ARHGAP26: variants seen among roughly 807,000 people sequenced by gnomAD.
ARHGAP26 encodes the protein Rho GTPase activating protein 26.
A neutral mutation model predicts 104.8 loss-of-function variants in ARHGAP26; 38 were observed. The ratio of observed to expected loss-of-function variants is 0.36; its 90% CI spans 0.28 to 0.48. The LOEUF (loss-of-function observed/expected upper bound fraction) is 0.48. Ranked by LOEUF, ARHGAP26 falls within the 20% of genes least tolerant of loss-of-function variation. The probability of loss-of-function intolerance (pLI) is 0.99; values close to 1 mark genes in which losing one functional copy is unlikely to be tolerated. For synonymous variants in ARHGAP26, 341 were observed against 340.0 expected (o/e 1.00, Z -0.03); for missense variants, 704 against 947.9 (o/e 0.74, Z 3.38).
intron 11 of ARHGAP26, among the ~76,000 whole-genome samples, chr5:142,937,177 TAAATA>T (rs1357168335): frequency 6.6e-6 from 1 of 151,908 alleles, no homozygotes; most frequent in Non-Finnish European, 1.5e-5. Flanking sequence ...ATTAAATAAA[TAAATA>T]AATAAATAAG....
intron 17 of ARHGAP26, among the ~76,000 whole-genome samples, chr5:143,092,336 T>C (rs1388247275): frequency 6.6e-6 from 1 of 152,002 alleles, no homozygotes; most frequent in Non-Finnish European, 1.5e-5. Flanking sequence ...GCTAATTTTA[T>C]TGTATTTTTA....
chr5:142,873,939 A>T (rs1045065562), intron 2 of ARHGAP26, among the ~76,000 whole-genome samples: 1 of 152,218 alleles, frequency 6.6e-6, no homozygotes, highest in Non-Finnish European at 1.5e-5. Context: ...ATTACCATAT[A>T]AATTCAATTT....
At chr5:142,854,329 T>C (rs1301273757) in intron 1 of ARHGAP26, among the ~76,000 whole-genome samples, 1 of 152,244 alleles carries the variant, frequency 6.6e-6, no homozygotes, top group Non-Finnish European at 1.5e-5. Flanking sequence ...CATATTCTTT[T>C]CTAGCTTGCA....
chr5:143,096,062 T>A (rs1792263452), intron 17 of ARHGAP26, among the ~76,000 whole-genome samples: 1 of 152,206 alleles, frequency 6.6e-6, no homozygotes, highest in Non-Finnish European at 1.5e-5. Context: ...AAAAATAAAA[T>A]CATGTTAGTG....
chr5:142,859,508 T>C (rs993424491), intron 1 of ARHGAP26: 4 of 152,250 alleles, frequency 2.6e-5, no homozygotes, highest in African/African-American at 9.6e-5. Context: ...AAATTATTAG[T>C]ATGAACTCTT....
chr5:143,038,449 T>C (rs1782966825), intron 13 of ARHGAP26, among the ~76,000 whole-genome samples: 2 of 152,192 alleles, frequency 1.3e-5, no homozygotes, highest in African/African-American at 4.8e-5. Flanking sequence ...ATGTAAGATA[T>C]ATCCAGAGAA....
intron 20 of ARHGAP26, among the ~76,000 whole-genome samples, chr5:143,195,011 C>T (rs1055224020): frequency 6.6e-6 from 1 of 152,166 alleles, no homozygotes; most frequent in Non-Finnish European, 1.5e-5. Context: ...AAAATCAGAT[C>T]AGAGACAATT....
chr5:142,946,789 A>G (rs192400831), intron 11 of ARHGAP26: 17 of 152,308 alleles, frequency 1.1e-4, no homozygotes, highest in African/African-American at 3.1e-4. Flanking sequence ...AGAGCTTATG[A>G]TGCCAGTTTT....
At chr5:143,065,491 G>C (rs1406458802) in intron 17 of ARHGAP26, among the ~76,000 whole-genome samples, 1 of 152,224 alleles carries the variant, frequency 6.6e-6, no homozygotes, top group African/African-American at 2.4e-5. Flanking sequence ...GTGGTGAAGA[G>C]AGAACATTCT....
At chr5:142,876,128 T>C (rs1756050762) in intron 3 of ARHGAP26, among the ~76,000 whole-genome samples, 1 of 152,178 alleles carries the variant, frequency 6.6e-6, no homozygotes, top group African/African-American at 2.4e-5. Context: ...ATCCCTAAGA[T>C]ATGAGGAATG....
At chr5:142,896,461 T>G (rs1426303681) in intron 6 of ARHGAP26, among the ~76,000 whole-genome samples, 1 of 152,212 alleles carries the variant, frequency 6.6e-6, no homozygotes, top group Non-Finnish European at 1.5e-5. Flanking sequence ...CAAAACCTCA[T>G]ACAACAATAG....
chr5:143,168,951 T>C (rs917880929), intron 20 of ARHGAP26: 15 of 152,246 alleles, frequency 9.9e-5, no homozygotes, highest in African/African-American at 3.6e-4. Context: ...ATGGGTAGCA[T>C]CCCTTCTCTT....
chr5:142,849,489 T>C (rs943259957), intron 1 of ARHGAP26, among the ~76,000 whole-genome samples: 3 of 152,248 alleles, frequency 2.0e-5, no homozygotes, highest in Admixed American at 1.3e-4. Context: ...TCCTCCTCCA[T>C]TGACAGTGTG....
rs139034376 is a variant in ARHGAP26, at chr5:143,221,487, T to C, written c.2192-871T>C. 4.5e-3 allele frequency among the ~76,000 whole-genome samples: 659 copies of C among 144,874 alleles called. 5 individuals are homozygous for C. The highest frequency in any genetic ancestry group is 0.017 in the African/African-American group (639 of 38,722). The stretch of plus-strand genomic sequence containing the variant: ...GGAAATTAGAAGCAGGGGGTAAGGA[T>C]TTGAAGGAAAGTAAGATGATGACAA... On this transcript the variant is annotated intron_variant, in intron 22 of 22. Coordinates refer to ENST00000645722, the MANE Select transcript of ARHGAP26 (RefSeq NM_001135608.3).
At chr5:143,032,317 G>A (rs1781995228) in intron 12 of ARHGAP26, among the ~76,000 whole-genome samples, 1 of 152,250 alleles carries the variant, frequency 6.6e-6, no homozygotes, top group South Asian at 2.1e-4. Context: ...AGCCTCAACT[G>A]CAGGATGGTG....
chr5:142,967,222 G>A (rs1771519266), intron 11 of ARHGAP26, among the ~76,000 whole-genome samples: 1 of 152,164 alleles, frequency 6.6e-6, no homozygotes. Flanking sequence ...GACCACATAT[G>A]TATAAAAACA....
intron 1 of ARHGAP26, among the ~76,000 whole-genome samples, chr5:142,847,338 G>A (rs559789601): frequency 4.6e-5 from 7 of 151,956 alleles, no homozygotes; most frequent in East Asian, 1.9e-4. Flanking sequence ...GTCACACAGC[G>A]AATACAGCAA....
intron 1 of ARHGAP26, among the ~76,000 whole-genome samples, chr5:142,815,520 G>C (rs974190987): frequency 1.3e-5 from 2 of 152,192 alleles, no homozygotes; most frequent in African/African-American, 4.8e-5. Context: ...TAGTTTTATT[G>C]GTTAAAAAAG....
intron 1 of ARHGAP26, among the ~76,000 whole-genome samples, chr5:142,842,557 G>T (rs1771021819): frequency 6.6e-6 from 1 of 152,230 alleles, no homozygotes; most frequent in Non-Finnish European, 1.5e-5. Flanking sequence ...ATCCCTGTGT[G>T]TCGGGAAGGA....
Sources: gnomAD v4.1 joint callset for allele counts (sites outside exome capture counted in the v4.1 genomes callset) on GRCh38, gnomAD v4.1.1 for gene constraint, MANE v1.5 for transcripts, NCBI Gene and HGNC (gene_info 2026-07-23, HGNC 2026-07-21) for gene names.